Variants in SLC25A42 observed in about 807,000 individuals in gnomAD.
SLC25A42 encodes mitochondrial coenzyme A transporter SLC25A42.
In SLC25A42, 19 loss-of-function variants were observed where a neutral mutation model predicts 34.7. The observed-to-expected ratio is 0.55, with a 90% CI of 0.38 to 0.80. The LOEUF (loss-of-function observed/expected upper bound fraction) is 0.80, where lower values mean the gene tolerates loss of function less well. Among genes scored for constraint, SLC25A42 ranks in the 30% least tolerant of loss-of-function variants. The pLI, the probability that SLC25A42 is intolerant of heterozygous loss-of-function variation, is 0.00. For synonymous variants in SLC25A42, 205 were observed against 191.2 expected (o/e 1.07, Z -0.59); for missense variants, 364 against 441.3 (o/e 0.82, Z 1.57).
rs1195087479 is a variant in SLC25A42, at chr19:19,099,087, G to GA, written c.82-2691dup. ...CAGCTGGTCCGACTGATTCAGAGAA[G>GA]AAACTGGCCTGAAGCTGGTAAGGCC... is the stretch of plus-strand genomic sequence containing the variant. On this transcript the variant is annotated intron_variant, in intron 2 of 7. Coordinates refer to ENST00000318596, the MANE Select transcript of SLC25A42 (RefSeq NM_178526.5). Among the ~76,000 whole-genome samples, 3 of 152,186 alleles carry GA rather than the reference G, an allele frequency of 2.0e-5. No homozygotes were observed. The East Asian group carries it at 5.8e-4, about 29-fold the overall frequency.
chr19:19,095,326 A>G (rs1218613938), intron 1 of SLC25A42, among the ~76,000 whole-genome samples: 1 of 149,850 alleles, frequency 6.7e-6, no homozygotes, highest in East Asian at 2.0e-4. Context: ...TGGGGGAAAA[A>G]AAAAAGGCCA....
At chr19:19,076,795 T>C (rs1310393754) in intron 1 of SLC25A42, among the ~76,000 whole-genome samples, 1 of 152,250 alleles carries the variant, frequency 6.6e-6, no homozygotes, top group Non-Finnish European at 1.5e-5. Flanking sequence ...AGCCCCCAGC[T>C]GGCTCCTTCC....
At chr19:19,103,154 T>G (rs1361643652) in intron 3 of SLC25A42, among the ~76,000 whole-genome samples, 2 of 152,162 alleles carry the variant, frequency 1.3e-5, no homozygotes, top group Non-Finnish European at 1.5e-5. Flanking sequence ...AGTTCAGTGG[T>G]GTGATCTTGG....
chr19:19,094,131 T>C (rs1457470922), intron 1 of SLC25A42, among the ~76,000 whole-genome samples: 4 of 152,216 alleles, frequency 2.6e-5, no homozygotes, highest in Admixed American at 6.5e-5. Context: ...GTTTCTGTGC[T>C]GCAGTCACTG....
rs1040300141 is a variant in SLC25A42, at chr19:19,111,297, G to A, written c.*421G>A. 12 of 185,964 alleles carry A rather than the reference G, an allele frequency of 6.5e-5. No homozygotes were observed. In the Admixed American group the frequency reaches 6.6e-4, roughly 10 times the overall value. 11.5% of individuals were successfully genotyped at this position (185,964 alleles called of 1,614,324 possible). A position where few individuals can be genotyped will look rare whatever the true frequency, so the allele number is the denominator to read the frequency against. ...CTTCTTGTTCTGACTCCACGTGCCTGCCCGGCCTCCAGGGTGCGGGGGCGC... is the reference window on the plus strand; with the variant it reads ...CTTCTTGTTCTGACTCCACGTGCCTACCCGGCCTCCAGGGTGCGGGGGCGC... On this transcript the variant is annotated 3_prime_UTR_variant, in exon 8 of 8. Transcript: ENST00000318596.
chr19:19,082,974 A>G (rs1344527887), intron 1 of SLC25A42, among the ~76,000 whole-genome samples: 1 of 152,012 alleles, frequency 6.6e-6, no homozygotes, highest in Non-Finnish European at 1.5e-5. Flanking sequence ...GCGTGCCACC[A>G]CACCCAGCTA....
intron 1 of SLC25A42, among the ~76,000 whole-genome samples, chr19:19,092,252 G>A (rs776943498): frequency 4.6e-5 from 7 of 152,104 alleles, no homozygotes; most frequent in South Asian, 2.1e-4. Flanking sequence ...TCCTAAAAGC[G>A]TCACATTCAC....
intron 1 of SLC25A42, among the ~76,000 whole-genome samples, chr19:19,084,727 G>T (rs1296705068): frequency 6.6e-6 from 1 of 152,124 alleles, no homozygotes; most frequent in Non-Finnish European, 1.5e-5. Context: ...TCCAGGTGCA[G>T]GTCACCTGGG....
chr19:19,108,262 G>A (rs1294204184), intron 7 of SLC25A42, among the ~76,000 whole-genome samples: 2 of 152,166 alleles, frequency 1.3e-5, no homozygotes, highest in Non-Finnish European at 2.9e-5. Context: ...CTAAGTGAGA[G>A]GAACTCTGGC....
At chr19:19,097,259 G>A (rs1281964764) in intron 2 of SLC25A42, among the ~76,000 whole-genome samples, 1 of 152,190 alleles carries the variant, frequency 6.6e-6, no homozygotes, top group East Asian at 1.9e-4. Flanking sequence ...TCATCTTCCA[G>A]GCCTCCCGAC....
intron 1 of SLC25A42, among the ~76,000 whole-genome samples, chr19:19,066,321 G>A (rs767480958): frequency 3.9e-5 from 6 of 152,196 alleles, no homozygotes; most frequent in Non-Finnish European, 5.9e-5. Flanking sequence ...TGGCAGAAAG[G>A]GGTCGGGGGA....
intron 7 of SLC25A42, 41 bp downstream of exon 7, chr19:19,108,086 G>A (rs1255476226): frequency 2.0e-6 from 3 of 1,526,090 alleles, no homozygotes; most frequent in Non-Finnish European, 2.6e-6. Context: ...CGTTCAGGAA[G>A]CATTCCCTGG....
At position 19,070,441 on chromosome 19, in the gene SLC25A42, G is replaced by GCACA. The variant is rs2059623969; in HGVS notation, c.-35+6326_-35+6327insCACA. 2.0e-5 allele frequency among the ~76,000 whole-genome samples: 3 copies of GCACA among 151,882 alleles called. No individual in the cohort carries two copies. The South Asian group carries it at 6.2e-4, about 31-fold the overall frequency. On this transcript the variant is annotated intron_variant, in intron 1 of 7. Coordinates refer to ENST00000318596, the MANE Select transcript of SLC25A42 (RefSeq NM_178526.5). ...GCCTCCCAAGTAGCTAGGATTACAG[G>GCACA]TGCGCACCACCGCATCCAGCTAATT...
At chr19:19,074,266 A>G (rs180809292) in intron 1 of SLC25A42, among the ~76,000 whole-genome samples, 1 of 152,334 alleles carries the variant, frequency 6.6e-6, no homozygotes, top group African/African-American at 2.4e-5. Flanking sequence ...ACAGGAGCAA[A>G]TGCAGCAGGA....
chr19:19,084,715 G>C (rs1466295265), intron 1 of SLC25A42, among the ~76,000 whole-genome samples: 2 of 152,154 alleles, frequency 1.3e-5, no homozygotes, highest in Non-Finnish European at 2.9e-5. Flanking sequence ...TTACCCAAGA[G>C]GTCCAGGTGC....
At chr19:19,106,204 G>T in intron 5 of SLC25A42, 65 bp from the exon 6 acceptor site, 2 of 1,400,210 alleles carry the variant, frequency 1.4e-6, no homozygotes, top group African/African-American at 1.4e-5. Context: ...GGTGCTCCAG[G>T]CTGGGCCTCT....
chr19:19,086,887 A>G (rs1284681006), intron 1 of SLC25A42, among the ~76,000 whole-genome samples: 1 of 152,102 alleles, frequency 6.6e-6, no homozygotes, highest in African/African-American at 2.4e-5. Context: ...ATTTACTTTG[A>G]TATACATATA....
chr19:19,108,297 T>C (rs912389852), intron 7 of SLC25A42, among the ~76,000 whole-genome samples: 2 of 152,158 alleles, frequency 1.3e-5, no homozygotes, highest in Non-Finnish European at 2.9e-5. Context: ...GTGCCTGTAA[T>C]CCCAGTGCTT....
At chr19:19,101,548 C>T (rs2059796213) in intron 2 of SLC25A42, among the ~76,000 whole-genome samples, 1 of 152,212 alleles carries the variant, frequency 6.6e-6, no homozygotes, top group South Asian at 2.1e-4. Context: ...CACACCTCAC[C>T]TCCAAAGTGG....
Sources: allele counts gnomAD v4.1 joint callset (sites outside exome capture counted in the v4.1 genomes callset), GRCh38; gene constraint gnomAD v4.1.1; transcripts MANE v1.5; gene names NCBI Gene and HGNC (gene_info 2026-07-23, HGNC 2026-07-21).